The following POLR3G variants were observed in gnomAD, a reference collection of about 807,000 sequenced individuals.
POLR3G encodes the protein RNA polymerase III subunit G.
In POLR3G, 28 loss-of-function variants were observed where a neutral mutation model predicts 30.1. That is an observed-to-expected ratio of 0.93 (90% CI 0.69 to 1.27). The LOEUF (loss-of-function observed/expected upper bound fraction) is 1.27, where lower values mean the gene tolerates loss of function less well. POLR3G is among the 50% of genes most tolerant of loss of function. The pLI is 0.00. For missense variants in POLR3G, 254 were observed against 264.6 expected, an observed-to-expected ratio of 0.96 and a Z score of 0.28; for synonymous variants, 79 against 82.5, an observed-to-expected ratio of 0.96 and a Z score of 0.23.
At chr5:90,502,269 C>T in intron 6 of POLR3G, 1 of 981,192 alleles carries the variant, frequency 1.0e-6, no homozygotes, top group South Asian at 4.7e-5. Context: ...ATATTTGAAT[C>T]ATGCAGGCAG....
At chr5:90,477,540 G>A (rs1009376310) in intron 1 of POLR3G, among the ~76,000 whole-genome samples, 1 of 152,176 alleles carries the variant, frequency 6.6e-6, no homozygotes, top group Non-Finnish European at 1.5e-5. Flanking sequence ...TATTAGATGA[G>A]GGGTTGGAAG....
chr5:90,495,816 T>C, intron 4 of POLR3G, 83 bp downstream of exon 4: 3 of 1,467,096 alleles, frequency 2.0e-6, no homozygotes, highest in Non-Finnish European at 2.7e-6. Context: ...ATAAGTTTTC[T>C]ATTTTTACCA....
At chr5:90,502,098 T>C in intron 6 of POLR3G, 110 bp downstream of exon 6, 1 of 1,484,720 alleles carries the variant, frequency 6.7e-7, no homozygotes, top group Non-Finnish European at 8.9e-7. Flanking sequence ...ATAATGTAAA[T>C]TTGGCAGAAG....
At chr5:90,497,758 A>C in intron 5 of POLR3G, 52 bp downstream of exon 5, 1 of 1,552,188 alleles carries the variant, frequency 6.4e-7, no homozygotes, top group Non-Finnish European at 8.7e-7. Flanking sequence ...TATTTCTTAC[A>C]TTCTGTTAAT....
At chr5:90,501,101 T>G (rs989682196) in intron 5 of POLR3G, among the ~76,000 whole-genome samples, 2 of 152,190 alleles carry the variant, frequency 1.3e-5, no homozygotes, top group Admixed American at 1.3e-4. Flanking sequence ...GTTTTCAGAT[T>G]CATATGATGA....
At position 90,488,052 on chromosome 5, in the gene POLR3G, T is replaced by G; in HGVS notation, c.170T>G (p.Met57Arg). Residue 57 changes from methionine to arginine, a missense_variant, in exon 3 of 8, where the codon ATG (methionine) becomes AGG (arginine). Met to Arg is a moderately conservative substitution (Grantham distance 91). Coordinates refer to ENST00000651687, the MANE Select transcript of POLR3G (RefSeq NM_006467.3). ...AAAACAGGAGAAGGTGAAGAATATA[T>G]GCTGGCTTTGAAACAGGAGTTGAGA... ...PLKTGEGEEY[M>R]LALKQELRET... 3 of 1,612,058 alleles carry G rather than the reference T, an allele frequency of 1.9e-6. No individual in the cohort carries two copies. The highest frequency in any genetic ancestry group is 2.5e-6 in the Non-Finnish European group (3 of 1,179,074).
upstream of POLR3G, chr5:90,474,282 A>G (rs764075086): frequency 1.9e-6 from 3 of 1,613,098 alleles, no homozygotes; most frequent in Non-Finnish European, 2.5e-6. Flanking sequence ...GTACCACTCG[A>G]GCGCCGACAT....
upstream of POLR3G, chr5:90,474,685 G>A (rs1239772640): frequency 1.1e-5 from 3 of 269,046 alleles, no homozygotes; most frequent in South Asian, 7.2e-5. Flanking sequence ...CAGTGAGGGT[G>A]GGAAGAGCTA....
intron 7 of POLR3G, among the ~76,000 whole-genome samples, chr5:90,508,864 C>G (rs551913578): frequency 6.6e-6 from 1 of 152,232 alleles, no homozygotes; most frequent in South Asian, 2.1e-4. Flanking sequence ...GAGTTCAAGA[C>G]AAGCCTTGCC....
chr5:90,486,724 T>A (rs1377862396), intron 2 of POLR3G, among the ~76,000 whole-genome samples: 1 of 152,236 alleles, frequency 6.6e-6, no homozygotes, highest in Non-Finnish European at 1.5e-5. Context: ...GCACTGTCAG[T>A]CATTTTTCCT....
chr5:90,497,755 T>C (rs771520362), intron 5 of POLR3G, 49 bp downstream of exon 5: 1 of 1,556,914 alleles, frequency 6.4e-7, no homozygotes. Flanking sequence ...GGTTATTTCT[T>C]ACATTCTGTT....
chr5:90,497,855 C>A, intron 5 of POLR3G, 149 bp downstream of exon 5: 1 of 980,096 alleles, frequency 1.0e-6, no homozygotes, highest in Non-Finnish European at 1.4e-6. Flanking sequence ...CCTGTAATCT[C>A]AGCATTTCGG....
chr5:90,508,358 C>T (rs922578474), intron 7 of POLR3G, among the ~76,000 whole-genome samples: 2 of 151,784 alleles, frequency 1.3e-5, no homozygotes, highest in Admixed American at 1.3e-4. Context: ...GGAGGAAATC[C>T]CCTTTATCCT....
At chr5:90,511,121 C>T (rs1385620860) in intron 7 of POLR3G, among the ~76,000 whole-genome samples, 3 of 152,096 alleles carry the variant, frequency 2.0e-5, no homozygotes, top group Non-Finnish European at 4.4e-5. Flanking sequence ...CCTCCCTGTC[C>T]ACCCATCCCA....
At chr5:90,474,382 G>C, upstream of POLR3G, 1 of 1,236,278 alleles carries the variant, frequency 8.1e-7, no homozygotes, top group Non-Finnish European at 1.2e-6. Context: ...GCTGTGTGAA[G>C]CGGTCTGCCT....
rs376016457 is a variant in POLR3G, at chr5:90,485,608, T to A, written c.41T>A (p.Phe14Tyr). 4 of 1,614,048 alleles carry A rather than the reference T, an allele frequency of 2.5e-6. No homozygotes were observed. Among genetic ancestry groups the A allele is most frequent in the South Asian group, 2.2e-5 (2 of 91,058 alleles). ...GGAAGAGGACGTGCTGCTTATACCT[T>A]TAATATTGAGGCTGTTGGATTTAGC... ...NKGRGRAAYTFNIEAVGFSKG... is the reference protein window; with the variant it reads ...NKGRGRAAYTYNIEAVGFSKG... Residue 14 changes from phenylalanine to tyrosine, a missense_variant, in exon 2 of 8, where the codon TTT becomes TAT. Coordinates refer to ENST00000651687, the MANE Select transcript of POLR3G (RefSeq NM_006467.3).
At chr5:90,479,250 T>C (rs1384183657) in intron 1 of POLR3G, among the ~76,000 whole-genome samples, 1 of 152,106 alleles carries the variant, frequency 6.6e-6, no homozygotes, top group African/African-American at 2.4e-5. Context: ...GGCAGGCACA[T>C]CACCTAAGGT....
chr5:90,502,801 CTTCTTT>C (rs1311375536), intron 6 of POLR3G, among the ~76,000 whole-genome samples: 6 of 142,272 alleles, frequency 4.2e-5, no homozygotes, highest in African/African-American at 1.3e-4. Context: ...TTACCTCATC[CTTCTTT>C]TTTTTTTTTT....
chr5:90,476,559 C>G (rs938715927), intron 1 of POLR3G, among the ~76,000 whole-genome samples: 12 of 152,148 alleles, frequency 7.9e-5, no homozygotes, highest in African/African-American at 2.9e-4. Flanking sequence ...GGTACTTTTT[C>G]TCTAGGCAGA....
Sources: gnomAD v4.1 joint callset for allele counts (sites outside exome capture counted in the v4.1 genomes callset) on GRCh38, gnomAD v4.1.1 for gene constraint, MANE v1.5 for transcripts, NCBI Gene and HGNC (gene_info 2026-07-23, HGNC 2026-07-21) for gene names.